DTNA: variants seen among roughly 807,000 people sequenced by gnomAD.
DTNA encodes the protein dystrophin-related protein 3.
In DTNA, 43 loss-of-function variants were observed where a neutral mutation model predicts 100.7. That is an observed-to-expected ratio of 0.43 (90% CI 0.33 to 0.55). DTNA has a LOEUF of 0.55. Ranked by LOEUF, DTNA falls within the 20% of genes least tolerant of loss-of-function variation. DTNA has a pLI of 0.04. For synonymous variants in DTNA, 349 were observed against 347.9 expected (o/e 1.00, Z -0.04); for missense variants, 798 against 953.9 (o/e 0.84, Z 2.15).
intron 1 of DTNA, chr18:34,683,564 T>G (rs2078425311): frequency 6.6e-6 from 1 of 152,178 alleles, no homozygotes; most frequent in South Asian, 2.1e-4. Context: ...TACCAACAAT[T>G]TTCATCTATT....
chr18:34,802,000 G>C (rs1457920267), intron 4 of DTNA, among the ~76,000 whole-genome samples: 5 of 152,174 alleles, frequency 3.3e-5, no homozygotes, highest in African/African-American at 1.2e-4. Context: ...GATTCATCCA[G>C]ACTTGTGCCC....
chr18:34,508,800 T>A (rs770839486), intron 1 of DTNA, among the ~76,000 whole-genome samples: 60 of 152,284 alleles, frequency 3.9e-4, no homozygotes, highest in Non-Finnish European at 7.1e-4. Context: ...GCATCACATT[T>A]TACTGTGTAT....
intron 3 of DTNA, among the ~76,000 whole-genome samples, chr18:34,784,342 G>T (rs2094439055): frequency 6.6e-6 from 1 of 152,180 alleles, no homozygotes; most frequent in Non-Finnish European, 1.5e-5. Flanking sequence ...TATAGACCCT[G>T]CTTTCCTCTA....
chr18:34,791,009 G>A lies in DTNA; in HGVS notation c.149-3028G>A, dbSNP rs555178281. 1.4e-4 allele frequency among the ~76,000 whole-genome samples: 21 copies of A among 152,138 alleles called. No individual in the cohort carries two copies. In the South Asian group the frequency reaches 1.7e-3, roughly 12 times the overall value. ...CACCAAGGAAGGGAATCCCAGAGCC[G>A]GCAAGGGGAGAGATGAGTATGGGCT... On this transcript the variant is annotated intron_variant, in intron 3 of 22. Transcript: ENST00000444659.
intron 1 of DTNA, among the ~76,000 whole-genome samples, chr18:34,718,664 T>C (rs181298602): frequency 6.6e-6 from 1 of 151,982 alleles, no homozygotes; most frequent in Admixed American, 6.6e-5. Flanking sequence ...TGCAGAAAAA[T>C]GGTGGAGGAG....
At chr18:34,568,266 C>A (rs899525948) in intron 1 of DTNA, among the ~76,000 whole-genome samples, 1 of 151,978 alleles carries the variant, frequency 6.6e-6, no homozygotes, top group African/African-American at 2.4e-5. Context: ...CACTCTACAC[C>A]ACTGTGTATA....
At chr18:34,746,036 T>A (rs1265001085) in intron 1 of DTNA, among the ~76,000 whole-genome samples, 1 of 152,200 alleles carries the variant, frequency 6.6e-6, no homozygotes, top group East Asian at 1.9e-4. Flanking sequence ...ATTACATTTT[T>A]AAAAGTATTC....
chr18:34,885,107 C>G (rs550983036), intron 22 of DTNA, among the ~76,000 whole-genome samples: 2 of 152,240 alleles, frequency 1.3e-5, no homozygotes, highest in African/African-American at 4.8e-5. Context: ...ATGACAATAT[C>G]GGAGTTTGTA....
chr18:34,813,320 A>G (rs917001744), intron 6 of DTNA, among the ~76,000 whole-genome samples: 4 of 151,844 alleles, frequency 2.6e-5, no homozygotes, highest in African/African-American at 9.7e-5. Context: ...TTTTTAAAAC[A>G]TAGCCAGGCA....
chr18:34,582,140 C>T (rs2048712623), intron 1 of DTNA, among the ~76,000 whole-genome samples: 2 of 152,174 alleles, frequency 1.3e-5, no homozygotes, highest in African/African-American at 2.4e-5. Flanking sequence ...CACCCACACA[C>T]TCTGCCTTCT....
intron 5 of DTNA, among the ~76,000 whole-genome samples, chr18:34,811,447 C>G (rs566031192): frequency 6.7e-6 from 1 of 148,670 alleles, no homozygotes; most frequent in East Asian, 1.9e-4. Flanking sequence ...TTTGTCATTA[C>G]ATCTTTATCC....
At chr18:34,629,928 C>G (rs1237968089) in intron 1 of DTNA, among the ~76,000 whole-genome samples, 1 of 152,202 alleles carries the variant, frequency 6.6e-6, no homozygotes, top group African/African-American at 2.4e-5. Context: ...TCCTCAGCAG[C>G]CCAGTCCAGA....
At position 34,867,277 on chromosome 18, in the gene DTNA, T is replaced by TA. The variant is rs1044620813; in HGVS notation, c.1743+3221dup. On this transcript the variant is annotated intron_variant, in intron 17 of 22. Coordinates refer to ENST00000444659, the MANE Select transcript of DTNA (RefSeq NM_001386795.1). Reference sequence around the variant, plus strand: ...TTTTACCCTTCATTCCCATGGTCTGTAAAAAAGGAAAGTGTAAAATCAATC... The same window carrying TA: ...TTTTACCCTTCATTCCCATGGTCTGTAAAAAAAGGAAAGTGTAAAATCAATC... 5.7e-6 allele frequency: 7 copies of TA among 1,231,232 alleles called. No homozygotes were observed. In the African/African-American group the frequency reaches 9.3e-5, roughly 16 times the overall value. 76.3% of individuals were successfully genotyped at this position (1,231,232 alleles called of 1,614,324 possible). A position where few individuals can be genotyped will look rare whatever the true frequency, so the allele number is the denominator to read the frequency against.
chr18:34,691,598 T>G (rs948144439), intron 1 of DTNA, among the ~76,000 whole-genome samples: 14 of 152,212 alleles, frequency 9.2e-5, no homozygotes, highest in Non-Finnish European at 1.6e-4. Flanking sequence ...GTGTTCTGTA[T>G]TCCTTAGCAT....
intron 13 of DTNA, 105 bp from the exon 14 acceptor site, chr18:34,848,191 C>T: frequency 9.2e-7 from 1 of 1,082,404 alleles, no homozygotes. Context: ...GTTTGCAAAT[C>T]TTTTGCACCA....
chr18:34,704,988 G>A (rs1408958545), intron 1 of DTNA, among the ~76,000 whole-genome samples: 3 of 152,038 alleles, frequency 2.0e-5, no homozygotes, highest in Non-Finnish European at 4.4e-5. Context: ...CACAGAGAGC[G>A]ACCAGACAGG....
chr18:34,693,582 G>GT (rs146951810), intron 1 of DTNA, among the ~76,000 whole-genome samples: 2 of 152,246 alleles, frequency 1.3e-5, no homozygotes, highest in East Asian at 3.9e-4. Context: ...AGAAAATAAA[G>GT]TTGATTTTTC....
At chr18:34,602,926 C>A (rs539260480) in intron 1 of DTNA, among the ~76,000 whole-genome samples, 1 of 151,436 alleles carries the variant, frequency 6.6e-6, no homozygotes, top group Non-Finnish European at 1.5e-5. Context: ...TCGCCTGAAC[C>A]GGTGAGGCAG....
chr18:34,880,840 C>T (rs1486895989), intron 20 of DTNA, among the ~76,000 whole-genome samples: 1 of 152,184 alleles, frequency 6.6e-6, no homozygotes, highest in African/African-American at 2.4e-5. Flanking sequence ...GTCCTTTCTT[C>T]TGTATTCTAG....
Sources: gnomAD v4.1 joint callset for allele counts (sites outside exome capture counted in the v4.1 genomes callset) on GRCh38, gnomAD v4.1.1 for gene constraint, MANE v1.5 for transcripts, NCBI Gene and HGNC (gene_info 2026-07-23, HGNC 2026-07-21) for gene names.